NFYC: variants seen among roughly 807,000 people sequenced by gnomAD.
The protein encoded by NFYC is CAAT box DNA-binding protein subunit C.
A neutral mutation model predicts 53.1 loss-of-function variants in NFYC; 25 were observed. That is an observed-to-expected ratio of 0.47 (90% CI 0.34 to 0.66). NFYC has a LOEUF of 0.66. Ranked by LOEUF, NFYC falls within the 30% of genes least tolerant of loss-of-function variation. The pLI is 0.01. For synonymous variants in NFYC, 145 were observed against 152.6 expected (o/e 0.95, Z 0.37); for missense variants, 260 against 422.7 (o/e 0.62, Z 3.38).
intron 1 of NFYC, among the ~76,000 whole-genome samples, chr1:40,701,880 C>T (rs146435317): frequency 1.3e-5 from 2 of 152,304 alleles, no homozygotes; most frequent in African/African-American, 4.8e-5. Context: ...GAATAACTAG[C>T]ACGAGGTCAC....
At chr1:40,747,923 C>T (rs560842138) in intron 3 of NFYC, among the ~76,000 whole-genome samples, 1 of 151,494 alleles carries the variant, frequency 6.6e-6, no homozygotes, top group South Asian at 2.1e-4. Flanking sequence ...GCAACCTCTG[C>T]CTCCCAGGTT....
intron 8 of NFYC, among the ~76,000 whole-genome samples, chr1:40,767,803 A>G (rs1297001959): frequency 6.6e-6 from 1 of 151,990 alleles, no homozygotes; most frequent in African/African-American, 2.4e-5. Context: ...ACATGGCAAA[A>G]CCGTTTCCAC....
intron 5 of NFYC, chr1:40,757,854 C>T (rs745705479): frequency 4.6e-5 from 25 of 539,540 alleles, no homozygotes; most frequent in African/African-American, 2.7e-4. Flanking sequence ...CTTATTTGCC[C>T]GTTTGCAACT....
At chr1:40,769,740 T>C (rs1245000959) in intron 9 of NFYC, among the ~76,000 whole-genome samples, 1 of 152,100 alleles carries the variant, frequency 6.6e-6, no homozygotes, top group Non-Finnish European at 1.5e-5. Flanking sequence ...AGGTTTCCTG[T>C]TTCCCTCTCT....
chr1:40,733,826 C>G (rs1230129717), intron 1 of NFYC, among the ~76,000 whole-genome samples: 5 of 152,204 alleles, frequency 3.3e-5, no homozygotes, highest in South Asian at 2.1e-4. Flanking sequence ...TCACTGCAAC[C>G]TCCGCTTCCC....
At chr1:40,714,268 TA>T (rs1644041329) in intron 1 of NFYC, among the ~76,000 whole-genome samples, 3 of 152,206 alleles carry the variant, frequency 2.0e-5, no homozygotes, top group Admixed American at 2.0e-4. Context: ...TTGACAAGAC[TA>T]AAATAGGAAT....
Position 40,770,861 on chromosome 1 carries a change from C to A in NFYC, c.*33C>A. The A allele has an allele frequency of 6.2e-7, 1 of 1,600,610 alleles. No individual in the cohort carries two copies. On this transcript the variant is annotated 3_prime_UTR_variant, in exon 10 of 10. Coordinates refer to ENST00000447388, the MANE Select transcript of NFYC (RefSeq NM_014223.5). The surrounding 1 kb of genome is among the most constrained non-coding windows in gnomAD (Gnocchi z 5.3). ...AGCTGGCAAGGCCAAGGACACCCAA[C>A]ACAATTTTTGCCATACAGCCCCAGG...
intron 1 of NFYC, among the ~76,000 whole-genome samples, chr1:40,732,177 G>T (rs1570496769): frequency 2.6e-5 from 4 of 152,190 alleles, no homozygotes; most frequent in African/African-American, 9.7e-5. Context: ...TTACCTCAAA[G>T]AGCTGTATTG....
chr1:40,720,890 G>T (rs1035713637), intron 1 of NFYC, among the ~76,000 whole-genome samples: 2 of 151,970 alleles, frequency 1.3e-5, no homozygotes, highest in Admixed American at 6.6e-5. Flanking sequence ...TTTTTTTTAA[G>T]TTCTTGAGGA....
intron 8 of NFYC, among the ~76,000 whole-genome samples, chr1:40,767,769 G>A (rs1323608739): frequency 6.6e-6 from 1 of 152,020 alleles, no homozygotes; most frequent in Non-Finnish European, 1.5e-5. Context: ...ACATGAGGTC[G>A]GGAGTTTGAG....
rs2744795 is a variant in NFYC at position 40,704,725 on chromosome 1, G to A, written c.-9+12858G>A. ...ATGATTGGGTTAATCTGGTACATCC[G>A]AAGCAGAGTCGGAGGGCCAGCTTTT... is the stretch of plus-strand genomic sequence containing the variant. On this transcript the variant is annotated intron_variant, in intron 1 of 9. Coordinates refer to ENST00000447388, the MANE Select transcript of NFYC (RefSeq NM_014223.5). 9.3e-4 allele frequency among the ~76,000 whole-genome samples: 142 copies of A among 152,210 alleles called. 1 individual carries two copies. Among genetic ancestry groups the A allele is most frequent in the Middle Eastern group, 3.2e-3 (1 of 316 alleles).
chr1:40,718,391 A>C (rs1465242544), intron 1 of NFYC, among the ~76,000 whole-genome samples: 1 of 152,210 alleles, frequency 6.6e-6, no homozygotes, highest in Non-Finnish European at 1.5e-5. Flanking sequence ...AGCTGTGTCC[A>C]TCTTCGGGGA....
intron 1 of NFYC, among the ~76,000 whole-genome samples, chr1:40,734,346 T>C (rs1219524010): frequency 7.0e-6 from 1 of 143,396 alleles, no homozygotes. Flanking sequence ...GTTGCTTTAT[T>C]TATTTATTTA....
intron 1 of NFYC, among the ~76,000 whole-genome samples, chr1:40,703,407 A>G (rs750977340): frequency 4.1e-5 from 6 of 145,746 alleles, no homozygotes; most frequent in Non-Finnish European, 6.0e-5. Context: ...CAGGAGGATC[A>G]CTTGAGCCCA....
chr1:40,741,307 C>G (rs1645329271), intron 2 of NFYC, among the ~76,000 whole-genome samples: 1 of 152,152 alleles, frequency 6.6e-6, no homozygotes, highest in Non-Finnish European at 1.5e-5. Context: ...ATGAGATACT[C>G]AACACTTTAC....
chr1:40,740,072 G>A (rs2148618096), intron 2 of NFYC, among the ~76,000 whole-genome samples: 1 of 152,230 alleles, frequency 6.6e-6, no homozygotes, highest in Non-Finnish European at 1.5e-5. Flanking sequence ...CAGTTGTCAT[G>A]TCCTTAATGA....
intron 1 of NFYC, among the ~76,000 whole-genome samples, chr1:40,696,620 G>A (rs192287531): frequency 2.0e-5 from 3 of 152,294 alleles, no homozygotes; most frequent in Admixed American, 1.3e-4. Context: ...TGACTTGATG[G>A]CAGAGATGAC....
chr1:40,718,913 C>A (rs1282234478), intron 1 of NFYC, among the ~76,000 whole-genome samples: 1 of 152,146 alleles, frequency 6.6e-6, no homozygotes, highest in African/African-American at 2.4e-5. Context: ...TGCTCTGTCG[C>A]CAGGCTGGAG....
intron 2 of NFYC, among the ~76,000 whole-genome samples, chr1:40,747,308 C>A (rs1275534075): frequency 6.6e-6 from 1 of 150,430 alleles, no homozygotes; most frequent in Non-Finnish European, 1.5e-5. Context: ...TAGAGGCCAT[C>A]CTAAGCTTTT....
Sources: gnomAD v4.1 joint callset for allele counts (sites outside exome capture counted in the v4.1 genomes callset) on GRCh38, gnomAD v4.1.1 for gene constraint, Gnocchi (gnomAD v3.1) non-coding constraint, MANE v1.5 for transcripts, NCBI Gene and HGNC (gene_info 2026-07-23, HGNC 2026-07-21) for gene names.